UBAP1L: variants seen among roughly 807,000 people sequenced by gnomAD.
UBAP1L encodes the protein ubiquitin associated protein 1 like, also known as ubiquitin-associated protein 1-like.
A neutral mutation model predicts 32.1 loss-of-function variants in UBAP1L; 32 were observed. The ratio of observed to expected loss-of-function variants is 1.00; its 90% CI spans 0.75 to 1.34. The LOEUF (loss-of-function observed/expected upper bound fraction) is 1.34. UBAP1L is among the 40% of genes most tolerant of loss of function. UBAP1L has a pLI of 0.00. For missense variants in UBAP1L, 516 were observed against 540.5 expected (o/e 0.95, Z 0.45); for synonymous variants, 243 against 250.2 (o/e 0.97, Z 0.27).
rs1008930668 is a variant in UBAP1L, at chr15:65,094,223, C to T, written c.1011+252G>A. On this transcript the variant is annotated intron_variant, in intron 5 of 5. Coordinates refer to ENST00000559089, the MANE Select transcript of UBAP1L (RefSeq NM_001163692.2). This position sits in a 1 kb window ranked among gnomAD's most constrained non-coding sequence, Gnocchi z 4.2. ...TTGATTAAGTCTAATAAAGCAAAACCCCTGCTGCTCTCTGCCTCCTGTCCC... is the reference window on the plus strand; with the variant it reads ...TTGATTAAGTCTAATAAAGCAAAACTCCTGCTGCTCTCTGCCTCCTGTCCC... Among the ~76,000 whole-genome samples the T allele has an allele frequency of 8.5e-5, 13 of 152,116 alleles. No homozygotes were observed. Among genetic ancestry groups the T allele is most frequent in the African/African-American group, 1.9e-4 (8 of 41,404 alleles).
intron 2 of UBAP1L, among the ~76,000 whole-genome samples, chr15:65,104,129 G>C (rs1235864193): frequency 6.6e-6 from 1 of 152,132 alleles, no homozygotes; most frequent in Non-Finnish European, 1.5e-5. Flanking sequence ...GCACATGACT[G>C]TAATCCCAGC....
chr15:65,112,096 G>C (rs1419454373), intron 1 of UBAP1L, among the ~76,000 whole-genome samples: 2 of 152,208 alleles, frequency 1.3e-5, no homozygotes, highest in East Asian at 3.8e-4. Flanking sequence ...CCAAAGGAAG[G>C]GGAGTGGTCT....
chr15:65,102,319 G>C lies in UBAP1L; in HGVS notation c.486C>G (p.Leu162=). 6.9e-7 allele frequency: 1 copy of C among 1,440,960 alleles called. No homozygotes were observed. The highest frequency in any genetic ancestry group is 9.1e-7 in the Non-Finnish European group (1 of 1,104,574). 89.3% of individuals were successfully genotyped at this position (1,440,960 alleles called of 1,614,324 possible). The change falls in exon 3 of 6, where the codon CTC becomes CTG. Residue 162 remains leucine, a synonymous_variant. Transcript: ENST00000559089. This position sits in a 1 kb window ranked among gnomAD's most constrained non-coding sequence, Gnocchi z 5.0. ...GCCGGGAGACCAGCTTCCCCTCGGA[G>C]AGCCGCCGCCGCGCCCCTGCCAGCT... is the stretch of plus-strand genomic sequence containing the variant. ...RLELAGARRR[L]SEGKLVSRPR...
intron 2 of UBAP1L, chr15:65,105,830 C>A: frequency 2.9e-6 from 2 of 699,010 alleles, no homozygotes; most frequent in South Asian, 2.9e-5. Context: ...CTCACTCTGT[C>A]GCCAGGCTGA....
Position 65,104,072 on chromosome 15 carries a change from C to T in UBAP1L, c.121-1388G>A, listed in dbSNP as rs148135936. On this transcript the variant is annotated intron_variant, in intron 2 of 5. Coordinates refer to ENST00000559089, the MANE Select transcript of UBAP1L (RefSeq NM_001163692.2). The stretch of plus-strand genomic sequence containing the variant: ...TTCAAGACCAGCCTGGCCAACATGG[C>T]GAAACCCCACCTCTACTAAAACTAT... Among the ~76,000 whole-genome samples the T allele has an allele frequency of 9.0e-4, 137 of 151,978 alleles. No individual in the cohort carries two copies. The East Asian group carries it at 0.018, about 20-fold the overall frequency.
chr15:65,110,404 G>T (rs146281099), intron 1 of UBAP1L, among the ~76,000 whole-genome samples: 1 of 151,432 alleles, frequency 6.6e-6, no homozygotes. Context: ...TTGGCCGGGC[G>T]TGGTGGCTAA....
intron 4 of UBAP1L, chr15:65,097,469 A>C (rs954079277): frequency 7.9e-5 from 12 of 152,268 alleles, no homozygotes; most frequent in African/African-American, 2.9e-4. Flanking sequence ...AAAATGAGAT[A>C]AAAGACATCG....
At chr15:65,107,780 C>T (rs2087332806) in intron 1 of UBAP1L, among the ~76,000 whole-genome samples, 2 of 149,992 alleles carry the variant, frequency 1.3e-5, no homozygotes, top group South Asian at 4.2e-4. Context: ...AAAAAGTTAC[C>T]ATTTATATTA....
At position 65,102,388 on chromosome 15, in the gene UBAP1L, G is replaced by C; in HGVS notation, c.417C>G (p.Gly139=). 7.0e-7 allele frequency: 1 copy of C among 1,437,044 alleles called. No individual in the cohort carries two copies. Among genetic ancestry groups the C allele is most frequent in the Non-Finnish European group, 9.1e-7 (1 of 1,102,584 alleles). 89.0% of individuals were successfully genotyped at this position (1,437,044 alleles called of 1,614,324 possible). Residue 139 remains glycine, a synonymous_variant, in exon 3 of 6, where the codon GGC becomes GGG. Transcript: ENST00000559089. The surrounding 1 kb of genome is among the most constrained non-coding windows in gnomAD (Gnocchi z 5.0). ...QPGSPASPGP[G]RRLCSLDVLR... The stretch of plus-strand genomic sequence containing the variant: ...GCACGTCCAGCGAGCACAGGCGACG[G>C]CCGGGGCCGGGGCTCGCCGGGGAGC...
At chr15:65,113,944 T>C (rs2087385992) in intron 1 of UBAP1L, among the ~76,000 whole-genome samples, 1 of 152,112 alleles carries the variant, frequency 6.6e-6, no homozygotes. Flanking sequence ...TAGAGTGCAG[T>C]GGCTCGATCT....
intron 1 of UBAP1L, among the ~76,000 whole-genome samples, chr15:65,108,708 C>T (rs2140569796): frequency 6.6e-6 from 1 of 151,680 alleles, no homozygotes; most frequent in East Asian, 1.9e-4. Context: ...GAGCTGTGAG[C>T]CCAGGTTGCA....
intron 3 of UBAP1L, chr15:65,100,377 C>A (rs2087227440): frequency 6.6e-6 from 1 of 152,208 alleles, no homozygotes; most frequent in African/African-American, 2.4e-5. Flanking sequence ...TTAAGCAACA[C>A]ACGCTTGGTA....
intron 2 of UBAP1L, chr15:65,105,597 T>G: frequency 1.6e-6 from 1 of 615,358 alleles, no homozygotes; most frequent in Non-Finnish European, 3.0e-6. Flanking sequence ...AGGTTCAAAT[T>G]TTCGTGTTCA....
At chr15:65,093,682 G>A (rs1595917671) in intron 5 of UBAP1L, among the ~76,000 whole-genome samples, 1 of 152,092 alleles carries the variant, frequency 6.6e-6, no homozygotes, top group Admixed American at 6.5e-5. Flanking sequence ...TCTCCTTCTC[G>A]AGGCCTCACC....
At chr15:65,099,149 C>A in intron 4 of UBAP1L, 1 of 239,530 alleles carries the variant, frequency 4.2e-6, no homozygotes, top group Non-Finnish European at 8.3e-6. Context: ...GTGTGGTAGA[C>A]TCTGTGATGT....
At chr15:65,106,065 C>A in intron 2 of UBAP1L, 31 bp downstream of exon 2, 1 of 1,550,374 alleles carries the variant, frequency 6.5e-7, no homozygotes, top group South Asian at 1.2e-5. Flanking sequence ...ACCCACAGAC[C>A]CAGAAGACAG....
At chr15:65,110,166 C>T (rs577384095) in intron 1 of UBAP1L, among the ~76,000 whole-genome samples, 1 of 151,968 alleles carries the variant, frequency 6.6e-6, no homozygotes, top group East Asian at 1.9e-4. Flanking sequence ...TGAGACCATC[C>T]TGGCCAACAT....
At chr15:65,109,074 T>C (rs1422671576) in intron 1 of UBAP1L, among the ~76,000 whole-genome samples, 1 of 146,974 alleles carries the variant, frequency 6.8e-6, no homozygotes, top group Non-Finnish European at 1.5e-5. Flanking sequence ...GGAGAATCGC[T>C]TGAACCTGGG....
intron 4 of UBAP1L, chr15:65,098,990 A>G (rs960771789): frequency 1.3e-5 from 2 of 152,546 alleles, no homozygotes; most frequent in African/African-American, 4.8e-5. Flanking sequence ...GTGCTCTTAC[A>G]TTCTTGGCTT....
Sources: allele counts gnomAD v4.1 joint callset (sites outside exome capture counted in the v4.1 genomes callset), GRCh38; gene constraint gnomAD v4.1.1; non-coding constraint Gnocchi (gnomAD v3.1); transcripts MANE v1.5; gene names NCBI Gene and HGNC (gene_info 2026-07-23, HGNC 2026-07-21).